The following PGAP1 variants were observed in gnomAD, a reference collection of about 807,000 sequenced individuals.
PGAP1 encodes the protein post-GPI attachment to proteins inositol deacylase 1, also known as GPI inositol-deacylase.
A neutral mutation model predicts 127.0 loss-of-function variants in PGAP1; 76 were observed. That is an observed-to-expected ratio of 0.60 (90% CI 0.50 to 0.72). The LOEUF (loss-of-function observed/expected upper bound fraction) is 0.72. Ranked by LOEUF, PGAP1 falls within the 30% of genes least tolerant of loss-of-function variation. PGAP1 has a pLI of 0.00. For synonymous variants in PGAP1, 362 were observed against 366.5 expected, an observed-to-expected ratio of 0.99 and a Z score of 0.14; for missense variants, 982 against 1,071.3, an observed-to-expected ratio of 0.92 and a Z score of 1.16.
At chr2:196,856,313 C>CA (rs1213070073) in intron 20 of PGAP1, among the ~76,000 whole-genome samples, 9 of 152,208 alleles carry the variant, frequency 5.9e-5, no homozygotes, top group Non-Finnish European at 1.0e-4. Context: ...CCACCATGCC[C>CA]AGCCCTCAAG....
At chr2:196,925,719 G>T (rs568659920) in intron 1 of PGAP1, among the ~76,000 whole-genome samples, 2 of 152,274 alleles carry the variant, frequency 1.3e-5, no homozygotes, top group South Asian at 4.1e-4. Context: ...CCATGAAATA[G>T]ATTTTGTATG....
intron 20 of PGAP1, among the ~76,000 whole-genome samples, chr2:196,853,732 C>G (rs959616749): frequency 6.6e-6 from 1 of 152,052 alleles, no homozygotes; most frequent in African/African-American, 2.4e-5. Flanking sequence ...AATCTTAAAG[C>G]TTAGGATAAC....
intron 7 of PGAP1, among the ~76,000 whole-genome samples, chr2:196,894,565 G>A (rs1702211562): frequency 6.6e-6 from 1 of 152,154 alleles, no homozygotes; most frequent in African/African-American, 2.4e-5. Flanking sequence ...CACTTTGGGA[G>A]GCCAAGACGG....
rs574633275 is a variant in PGAP1 at position 196,894,337 on chromosome 2, G to T, written c.928-1092C>A. Among the ~76,000 whole-genome samples, 3 of 152,154 alleles carry T rather than the reference G, an allele frequency of 2.0e-5. No individual in the cohort carries two copies. The East Asian group carries it at 5.8e-4, about 29-fold the overall frequency. On this transcript the variant is annotated intron_variant, in intron 7 of 26. Transcript: ENST00000354764. ...ATGTCCCCCTCAAAATATGATGCAT[G>T]AAATAGAATACAGTTCTCTAGATAC...
At chr2:196,879,948 T>A (rs1362893690) in intron 13 of PGAP1, 128 bp downstream of exon 13, 3 of 681,050 alleles carry the variant, frequency 4.4e-6, no homozygotes, top group Non-Finnish European at 7.8e-6. Flanking sequence ...AATTTAACAG[T>A]CTTAGGTGGA....
intron 8 of PGAP1, among the ~76,000 whole-genome samples, chr2:196,892,848 T>C (rs945088026): frequency 6.6e-6 from 1 of 152,106 alleles, no homozygotes; most frequent in Non-Finnish European, 1.5e-5. Flanking sequence ...TGGCACTTAG[T>C]TTATGCAATT....
intron 1 of PGAP1, chr2:196,922,577 GACACACACACACACACACACAC>G (rs59881211): frequency 1.0e-5 from 4 of 388,328 alleles, no homozygotes; most frequent in Admixed American, 7.7e-5. Context: ...CACACACACA[GACACACACACACACACACACAC>G]ACACACACAC....
intron 20 of PGAP1, among the ~76,000 whole-genome samples, chr2:196,863,227 C>T (rs1204693746): frequency 1.3e-5 from 2 of 152,022 alleles, no homozygotes; most frequent in East Asian, 3.9e-4. Context: ...ATATATTATC[C>T]AAAAGAAAGG....
intron 20 of PGAP1, among the ~76,000 whole-genome samples, chr2:196,857,963 T>C (rs1253788980): frequency 1.3e-5 from 2 of 152,212 alleles, no homozygotes; most frequent in Non-Finnish European, 2.9e-5. Flanking sequence ...ATATTCCCAC[T>C]GCAGTGCCCT....
intron 4 of PGAP1, among the ~76,000 whole-genome samples, chr2:196,911,620 A>G (rs1437611276): frequency 2.0e-5 from 3 of 148,726 alleles, no homozygotes; most frequent in African/African-American, 7.3e-5. Context: ...AAAAAAAAAA[A>G]AAAAAAAAAA....
At chr2:196,906,956 A>G (rs1702741161) in intron 4 of PGAP1, among the ~76,000 whole-genome samples, 2 of 145,474 alleles carry the variant, frequency 1.4e-5, no homozygotes, top group Admixed American at 1.4e-4. Context: ...CTATGTGAAA[A>G]GACCAAATCT....
At chr2:196,887,955 C>T (rs570671335) in intron 10 of PGAP1, among the ~76,000 whole-genome samples, 5 of 152,184 alleles carry the variant, frequency 3.3e-5, no homozygotes, top group Middle Eastern at 3.4e-3. Context: ...GGGTTTTTGC[C>T]GCTACTAAGA....
chr2:196,926,619 T>TGCCGCCACCACC lies in PGAP1; in HGVS notation c.-15_-4dup, dbSNP rs1194240585. The TGCCGCCACCACC allele has an allele frequency of 1.2e-6, 2 of 1,613,884 alleles. No individual in the cohort carries two copies. The highest frequency in any genetic ancestry group is 3.3e-5 in the Admixed American group (2 of 60,026). Reference sequence around the variant, plus strand: ...AGATTAACTGAGTGAAGAAACATGGTGCCGCCACCACCGCCGCCGCCGCCG... The same window carrying TGCCGCCACCACC: ...AGATTAACTGAGTGAAGAAACATGGTGCCGCCACCACCGCCGCCACCACCGCCGCCGCCGCCG... On this transcript the variant is annotated 5_prime_UTR_variant, in exon 1 of 27. Transcript: ENST00000354764.
chr2:196,862,175 A>G (rs1345510194), intron 20 of PGAP1, among the ~76,000 whole-genome samples: 1 of 152,082 alleles, frequency 6.6e-6, no homozygotes, highest in Non-Finnish European at 1.5e-5. Context: ...AGCAAGGAAC[A>G]TCCTTAGGAA....
intron 18 of PGAP1, 43 bp downstream of exon 18, chr2:196,872,398 T>C (rs756604126): frequency 7.3e-7 from 1 of 1,361,428 alleles, no homozygotes; most frequent in African/African-American, 1.4e-5. Context: ...TTCTAGCTTA[T>C]TCTACAACTA....
At chr2:196,915,411 T>C (rs779266340) in intron 3 of PGAP1, among the ~76,000 whole-genome samples, 11 of 152,186 alleles carry the variant, frequency 7.2e-5, no homozygotes, top group Non-Finnish European at 1.6e-4. Flanking sequence ...ACCTGTACAG[T>C]AGCATACATG....
At chr2:196,921,540 T>G (rs1376602009) in intron 1 of PGAP1, among the ~76,000 whole-genome samples, 1 of 152,120 alleles carries the variant, frequency 6.6e-6, no homozygotes, top group Non-Finnish European at 1.5e-5. Flanking sequence ...AGTTTCCTAT[T>G]TCCTCCCAAT....
intron 5 of PGAP1, among the ~76,000 whole-genome samples, chr2:196,900,752 C>T (rs183638809): frequency 2.4e-4 from 36 of 152,074 alleles, no homozygotes; most frequent in African/African-American, 8.7e-4. Flanking sequence ...GGTGAAACCC[C>T]ATCTCTACTA....
At chr2:196,851,243 A>G (rs1475259086) in intron 20 of PGAP1, among the ~76,000 whole-genome samples, 2 of 152,042 alleles carry the variant, frequency 1.3e-5, no homozygotes, top group East Asian at 1.9e-4. Flanking sequence ...GCTTGTATAC[A>G]TAATAGCAAA....
Sources: gnomAD v4.1 joint callset for allele counts (sites outside exome capture counted in the v4.1 genomes callset) on GRCh38, gnomAD v4.1.1 for gene constraint, MANE v1.5 for transcripts, NCBI Gene and HGNC (gene_info 2026-07-23, HGNC 2026-07-21) for gene names.